ZNF350: variants seen among roughly 807,000 people sequenced by gnomAD.
ZNF350 encodes the protein zinc finger protein 350.
A neutral mutation model predicts 13.1 loss-of-function variants in ZNF350; 5 were observed. That is an observed-to-expected ratio of 0.38 (90% CI 0.20 to 0.80). The LOEUF (loss-of-function observed/expected upper bound fraction) is 0.80, where lower values mean the gene tolerates loss of function less well. Among genes scored for constraint, ZNF350 ranks in the 30% least tolerant of loss-of-function variants. ZNF350 has a pLI of 0.43. For synonymous variants in ZNF350, 199 were observed against 224.2 expected, an observed-to-expected ratio of 0.89 and a Z score of 1.00; for missense variants, 534 against 644.2, an observed-to-expected ratio of 0.83 and a Z score of 1.85.
chr19:51,979,882 C>T (rs940777885), intron 1 of ZNF350, among the ~76,000 whole-genome samples: 13 of 152,238 alleles, frequency 8.5e-5, no homozygotes, highest in African/African-American at 3.1e-4. Context: ...GTCTGCTGCT[C>T]AGATTGCTTG....
Position 51,965,442 on chromosome 19 carries a change from C to G in ZNF350, c.1011G>C (p.Gln337His), listed in dbSNP as rs1568474756. Reference protein sequence around the residue: ...FIQKTCLIAHQRFHTGKTPFV... With the variant: ...FIQKTCLIAHHRFHTGKTPFV... ...AGGGCGTCTTTCCTGTGTGAAATCTCTGATGTGCTATGAGACACGTCTTCT... is the reference window on the plus strand; with the variant it reads ...AGGGCGTCTTTCCTGTGTGAAATCTGTGATGTGCTATGAGACACGTCTTCT... Residue 337 changes from glutamine (Q) to histidine (H), a missense_variant, in exon 5 of 5, where the codon CAG (glutamine) becomes CAC (histidine). Transcript: ENST00000243644. 6.2e-6 allele frequency: 10 copies of G among 1,614,200 alleles called. No homozygotes were observed. In the Admixed American group the frequency reaches 1.2e-4, roughly 19 times the overall value.
At chr19:51,985,810 C>G (rs1265839556) in intron 1 of ZNF350, among the ~76,000 whole-genome samples, 1 of 152,046 alleles carries the variant, frequency 6.6e-6, no homozygotes, top group Admixed American at 6.6e-5. Context: ...AGTTCGAGAC[C>G]AACCTGCCCA....
intron 2 of ZNF350, among the ~76,000 whole-genome samples, chr19:51,972,181 G>A (rs527419524): frequency 2.6e-5 from 4 of 151,684 alleles, no homozygotes; most frequent in African/African-American, 9.7e-5. Flanking sequence ...TACCAAGAGG[G>A]CCAGGCACAA....
At position 51,978,656 on chromosome 19, in the gene ZNF350, T is replaced by C. The variant is rs1193850243; in HGVS notation, c.-171-4125A>G. On this transcript the variant is annotated intron_variant, in intron 1 of 4. Coordinates refer to ENST00000243644, the MANE Select transcript of ZNF350 (RefSeq NM_021632.4). The stretch of plus-strand genomic sequence containing the variant: ...AAAGGAAAGAAATTTTATGGGCTTA[T>C]GGACATGGGAGCTGATGTGTCAGTC... Among the ~76,000 whole-genome samples the C allele has an allele frequency of 3.9e-5, 6 of 152,286 alleles. No homozygotes were observed. The East Asian group carries it at 1.2e-3, about 29-fold the overall frequency.
In ZNF350 at chr19:51,969,288, A is replaced by G. The variant is rs576722370; in HGVS notation, c.16-157T>C. 5.1e-5 allele frequency: 40 copies of G among 787,928 alleles called. No individual in the cohort carries two copies. In the South Asian group the frequency reaches 8.0e-4, roughly 16 times the overall value. The allele number at this position is 787,928 out of a possible 1,614,324, so 48.8% of individuals were successfully genotyped here. A position where few individuals can be genotyped will look rare whatever the true frequency, so the allele number is the denominator to read the frequency against. ...GGAAGAAGTAAAGTCCTAATATAAT[A>G]TTCTGTAACTGTATATTCAGTCATC... is the stretch of plus-strand genomic sequence containing the variant. On this transcript the variant is annotated intron_variant, in intron 2 of 4. Transcript: ENST00000243644.
intron 2 of ZNF350, chr19:51,973,963 G>A (rs923686748): frequency 1.1e-5 from 2 of 174,054 alleles, no homozygotes; most frequent in Admixed American, 5.7e-5. Context: ...AATTTCCTGA[G>A]ACCAAAGTGC....
rs747428442 is a variant in ZNF350, at chr19:51,964,888, T to G, written c.1565A>C (p.Asn522Thr). 5.6e-6 allele frequency: 9 copies of G among 1,612,732 alleles called. No individual in the cohort carries two copies. In the African/African-American group the frequency reaches 1.2e-4, roughly 22 times the overall value. ...TTCTGTAACATAAAATAAGACATAA[T>G]TGATCACGGAAGGCACAACCACATT... ...AVNVVVPSVI[N>T]YVLFYVTENP Residue 522 changes from asparagine (N) to threonine (T), a missense_variant, in exon 5 of 5, where the codon AAT becomes ACT. Asn to Thr is a moderately conservative substitution (Grantham distance 65). Coordinates refer to ENST00000243644, the MANE Select transcript of ZNF350 (RefSeq NM_021632.4).
At position 51,965,840 on chromosome 19, in the gene ZNF350, G is replaced by A; in HGVS notation, c.613C>T (p.His205Tyr). The change falls in exon 5 of 5, where the codon CAT (histidine) becomes TAT (tyrosine). Residue 205 changes from histidine (H) to tyrosine (Y), a missense_variant. Physicochemically the swap from His to Tyr is moderately conservative, Grantham distance 83 (BLOSUM62 2). Transcript: ENST00000243644. ...TTCCCACATTCACTGCACACATGAT[G>A]CTTCTCTAATTTTCGTGTTTTCTGA... Reference protein sequence around the residue: ...KHQKTRKLEKHHVCSECGKAF... With the variant: ...KHQKTRKLEKYHVCSECGKAF... The A allele has an allele frequency of 1.2e-6, 2 of 1,614,140 alleles. No individual in the cohort carries two copies. The highest frequency in any genetic ancestry group is 1.1e-5 in the South Asian group (1 of 91,086).
intron 4 of ZNF350, chr19:51,967,244 T>A (rs758884406): frequency 2.0e-5 from 3 of 152,092 alleles, no homozygotes; most frequent in Non-Finnish European, 4.4e-5. Flanking sequence ...AACAGATTCA[T>A]TCATTCCACA....
At chr19:51,975,848 C>T (rs1253119143) in intron 1 of ZNF350, among the ~76,000 whole-genome samples, 2 of 152,194 alleles carry the variant, frequency 1.3e-5, no homozygotes, top group African/African-American at 2.4e-5. Context: ...CTTAGCCTCC[C>T]GAGTAGCTGA....
chr19:51,972,323 A>G lies in ZNF350; in HGVS notation c.15+2023T>C, dbSNP rs117601287. 2.5e-3 allele frequency among the ~76,000 whole-genome samples: 372 copies of G among 151,744 alleles called. 15 individuals are homozygous for G. In the East Asian group the frequency reaches 0.062, roughly 25 times the overall value. On this transcript the variant is annotated intron_variant, in intron 2 of 4. Coordinates refer to ENST00000243644, the MANE Select transcript of ZNF350 (RefSeq NM_021632.4). ...AAAAAAAAAAAAGGAAAAAAGAAAA[A>G]AAGCAGAAAAGTAAAAGTAAAAAAT...
chr19:51,984,469 A>G (rs1035547124), intron 1 of ZNF350, among the ~76,000 whole-genome samples: 4 of 152,316 alleles, frequency 2.6e-5, no homozygotes, highest in African/African-American at 4.8e-5. Flanking sequence ...TTTGACATCT[A>G]TTTAGACGGA....
In ZNF350 at chr19:51,966,040, G is replaced by T; in HGVS notation, c.413C>A (p.Ser138Tyr). ...IFDLRGKSLK[S>Y]NLTLVNQSKG... ...GCTCTGGTTAACTAAAGTTAAATTGGATTTCAAACTTTTTCCACGTAAGTC... is the reference window on the plus strand; with the variant it reads ...GCTCTGGTTAACTAAAGTTAAATTGTATTTCAAACTTTTTCCACGTAAGTC... The change falls in exon 5 of 5, where the codon TCC (serine) becomes TAC (tyrosine). Residue 138 changes from serine to tyrosine, a missense_variant. Coordinates refer to ENST00000243644, the MANE Select transcript of ZNF350 (RefSeq NM_021632.4). 6.2e-7 allele frequency: 1 copy of T among 1,613,920 alleles called. No homozygotes were observed. Among genetic ancestry groups the T allele is most frequent in the Non-Finnish European group, 8.5e-7 (1 of 1,179,974 alleles).
At chr19:51,980,694 C>G (rs1345401262) in intron 1 of ZNF350, among the ~76,000 whole-genome samples, 1 of 152,082 alleles carries the variant, frequency 6.6e-6, no homozygotes, top group South Asian at 2.1e-4. Context: ...TTGTGAAAGC[C>G]CATTTGCAAG....
chr19:51,981,830 C>G (rs1568487718), intron 1 of ZNF350: 2 of 151,916 alleles, frequency 1.3e-5, no homozygotes, highest in African/African-American at 4.8e-5. Flanking sequence ...AAAATAGAAC[C>G]AAAAACAAGA....
intron 1 of ZNF350, among the ~76,000 whole-genome samples, chr19:51,979,897 G>A (rs1408434103): frequency 3.3e-5 from 5 of 152,206 alleles, no homozygotes. Flanking sequence ...TGCTTGGCAT[G>A]GAGCAGGCTT....
chr19:51,974,088 T>C, intron 2 of ZNF350: 1 of 326,572 alleles, frequency 3.1e-6, no homozygotes, highest in Non-Finnish European at 5.6e-6. Context: ...AGATGCAAGC[T>C]GACAGCTAAT....
rs1173821760 is a variant in ZNF350, at chr19:51,964,719, A to G, written c.*135T>C. The G allele has an allele frequency of 9.5e-7, 1 of 1,057,762 alleles. No individual in the cohort carries two copies. The highest frequency in any genetic ancestry group is 1.6e-5 in the African/African-American group (1 of 62,756). 65.5% of individuals were successfully genotyped at this position (1,057,762 alleles called of 1,614,324 possible). On this transcript the variant is annotated 3_prime_UTR_variant, in exon 5 of 5. Transcript: ENST00000243644. ...AACATCAAATTTGCCTGTGTATCAC[A>G]GCATACATTTTAATAGGATGAGTTT... is the stretch of plus-strand genomic sequence containing the variant.
chr19:51,964,721 C>T lies in ZNF350; in HGVS notation c.*133G>A. ...CATCAAATTTGCCTGTGTATCACAG[C>T]ATACATTTTAATAGGATGAGTTTAT... is the stretch of plus-strand genomic sequence containing the variant. On this transcript the variant is annotated 3_prime_UTR_variant, in exon 5 of 5. Transcript: ENST00000243644. 1 of 1,073,738 alleles carries T rather than the reference C, an allele frequency of 9.3e-7. No individual in the cohort carries two copies. The highest frequency in any genetic ancestry group is 1.7e-5 in the South Asian group (1 of 59,420). The allele number at this position is 1,073,738 out of a possible 1,614,324, so 66.5% of individuals were successfully genotyped here.
Sources: allele counts gnomAD v4.1 joint callset (sites outside exome capture counted in the v4.1 genomes callset), GRCh38; gene constraint gnomAD v4.1.1; transcripts MANE v1.5; gene names NCBI Gene and HGNC (gene_info 2026-07-23, HGNC 2026-07-21).